The following TBCK variants were observed in gnomAD, a reference collection of about 807,000 sequenced individuals.
TBCK encodes the protein TBC1 domain containing kinase.
Under a neutral mutation model 113.4 loss-of-function variants are expected in TBCK, and 99 were observed. The observed-to-expected ratio is 0.87, with a 90% CI of 0.74 to 1.03. TBCK has a LOEUF of 1.03. Among genes scored for constraint, TBCK ranks in the 50% least tolerant of loss-of-function variants. The pLI is 0.00. For missense variants in TBCK, 1,045 were observed against 1,061.3 expected, an observed-to-expected ratio of 0.98 and a Z score of 0.21; for synonymous variants, 369 against 370.8, an observed-to-expected ratio of 1.00 and a Z score of 0.05.
intron 20 of TBCK, among the ~76,000 whole-genome samples, chr4:106,204,623 T>C (rs1755241304): frequency 6.6e-6 from 1 of 152,168 alleles, no homozygotes; most frequent in African/African-American, 2.4e-5. Flanking sequence ...TGGAAGTAAG[T>C]GTAAAGCACT....
chr4:106,188,595 A>C (rs1753304371), intron 22 of TBCK, among the ~76,000 whole-genome samples: 1 of 152,192 alleles, frequency 6.6e-6, no homozygotes, highest in African/African-American at 2.4e-5. Context: ...TAAAACAAGC[A>C]GCTCTGCTAT....
rs1040919989 is a variant in TBCK at position 106,252,027 on chromosome 4, T to C, written c.456-20A>G. The C allele has an allele frequency of 1.1e-5, 18 of 1,569,460 alleles. No homozygotes were observed. Among genetic ancestry groups the C allele is most frequent in the Non-Finnish European group, 1.5e-5 (17 of 1,156,512 alleles). On this transcript the variant is annotated intron_variant, in intron 5 of 25. Transcript: ENST00000394708. ...GGATACCTGTAATGATACATTAAAA[T>C]AATGAAAAATTACAACAGGGAAAGA...
intron 23 of TBCK, among the ~76,000 whole-genome samples, chr4:106,164,052 T>C (rs917219524): frequency 2.0e-5 from 3 of 152,112 alleles, no homozygotes; most frequent in African/African-American, 7.2e-5. Flanking sequence ...GAAAAACAAA[T>C]TTCAAAAGAT....
chr4:106,060,656 A>G (rs1027289634), intron 25 of TBCK, among the ~76,000 whole-genome samples: 1 of 151,818 alleles, frequency 6.6e-6, no homozygotes, highest in Non-Finnish European at 1.5e-5. Context: ...CAATCCATGG[A>G]TGAAGGAGTC....
At chr4:106,287,661 T>C (rs1265779531) in intron 3 of TBCK, among the ~76,000 whole-genome samples, 2 of 152,234 alleles carry the variant, frequency 1.3e-5, no homozygotes, top group Non-Finnish European at 2.9e-5. Flanking sequence ...CCAACCACCA[T>C]GCTTTGAGCA....
chr4:106,206,917 A>C (rs1392570279), intron 20 of TBCK, among the ~76,000 whole-genome samples: 1 of 152,150 alleles, frequency 6.6e-6, no homozygotes, highest in Non-Finnish European at 1.5e-5. Flanking sequence ...AAAGGCACAT[A>C]TAGTACTGAT....
chr4:106,076,008 T>C (rs1014347984), intron 25 of TBCK, among the ~76,000 whole-genome samples: 3 of 152,222 alleles, frequency 2.0e-5, no homozygotes, highest in African/African-American at 7.2e-5. Context: ...TATAGAGTCA[T>C]ACAGACTGGT....
chr4:106,221,266 T>C (rs1757645719), intron 19 of TBCK, among the ~76,000 whole-genome samples: 1 of 152,166 alleles, frequency 6.6e-6, no homozygotes, highest in Non-Finnish European at 1.5e-5. Context: ...ATTGCAGGCA[T>C]GAGCCACTGT....
At chr4:106,161,871 T>C (rs1045142587) in intron 23 of TBCK, among the ~76,000 whole-genome samples, 1 of 152,190 alleles carries the variant, frequency 6.6e-6, no homozygotes, top group South Asian at 2.1e-4. Flanking sequence ...TATGATTCCA[T>C]TTATTTAAAA....
intron 25 of TBCK, among the ~76,000 whole-genome samples, chr4:106,092,390 G>A (rs1012259001): frequency 7.9e-5 from 12 of 152,228 alleles, no homozygotes; most frequent in African/African-American, 1.2e-4. Flanking sequence ...GTCCCACACC[G>A]TGCACCCACA....
At chr4:106,297,128 C>G (rs189813416) in intron 2 of TBCK, among the ~76,000 whole-genome samples, 1 of 152,130 alleles carries the variant, frequency 6.6e-6, no homozygotes, top group Non-Finnish European at 1.5e-5. Context: ...GTTCCTCCAC[C>G]TTTGATTCTG....
intron 23 of TBCK, among the ~76,000 whole-genome samples, chr4:106,128,805 A>C (rs1445934707): frequency 6.6e-6 from 1 of 152,206 alleles, no homozygotes; most frequent in Non-Finnish European, 1.5e-5. Context: ...CTAGACAAAA[A>C]TGCCAAGAAA....
At chr4:106,168,530 T>C (rs150275752) in intron 23 of TBCK, among the ~76,000 whole-genome samples, 93 of 151,992 alleles carry the variant, frequency 6.1e-4, no homozygotes, top group Middle Eastern at 3.4e-3. Flanking sequence ...GGTGTACTAA[T>C]TGGCAAGGAA....
Position 106,065,218 on chromosome 4 carries a change from T to C in TBCK, c.2572-18538A>G, listed in dbSNP as rs116812702. ...GACTAGCTCTCCCTATTGATCTGAA[T>C]AGTTATTGCTTCAATTCCCAGATTT... On this transcript the variant is annotated intron_variant, in intron 25 of 25. Coordinates refer to ENST00000394708, the MANE Select transcript of TBCK (RefSeq NM_001163435.3). Among the ~76,000 whole-genome samples, 360 of 152,110 alleles carry C rather than the reference T, an allele frequency of 2.4e-3. 2 individuals carry two copies. Among genetic ancestry groups the C allele is most frequent in the East Asian group, 8.7e-3 (45 of 5,170 alleles).
chr4:106,298,310 A>T (rs1334456659), intron 2 of TBCK, among the ~76,000 whole-genome samples: 1 of 152,106 alleles, frequency 6.6e-6, no homozygotes, highest in Non-Finnish European at 1.5e-5. Flanking sequence ...CCAGCAATTA[A>T]TATATGCCAA....
intron 22 of TBCK, among the ~76,000 whole-genome samples, chr4:106,181,397 C>T (rs992858762): frequency 3.9e-5 from 6 of 152,148 alleles, no homozygotes; most frequent in Admixed American, 6.6e-5. Context: ...TCAATTTTGG[C>T]TTTTGTTGCC....
chr4:106,108,187 G>A (rs1460347730), intron 24 of TBCK, among the ~76,000 whole-genome samples: 2 of 152,158 alleles, frequency 1.3e-5, no homozygotes, highest in South Asian at 4.2e-4. Context: ...ACAAGGAAGA[G>A]CTGGTACCAT....
At chr4:106,309,582 G>T (rs543305398) in intron 1 of TBCK, among the ~76,000 whole-genome samples, 1 of 151,890 alleles carries the variant, frequency 6.6e-6, no homozygotes, top group Non-Finnish European at 1.5e-5. Context: ...GATTACAGGC[G>T]TGAGCCACCA....
chr4:106,196,814 C>T (rs1315632106), intron 20 of TBCK, among the ~76,000 whole-genome samples: 2 of 152,006 alleles, frequency 1.3e-5, no homozygotes, highest in Admixed American at 6.6e-5. Context: ...TTTAAAGACA[C>T]GACATCAATA....
Sources: allele counts gnomAD v4.1 joint callset (sites outside exome capture counted in the v4.1 genomes callset), GRCh38; gene constraint gnomAD v4.1.1; transcripts MANE v1.5; gene names NCBI Gene and HGNC (gene_info 2026-07-23, HGNC 2026-07-21).